Variants in PLCB1 observed in about 807,000 individuals in gnomAD.
PLCB1 encodes phospholipase C beta 1, also known as 1-phosphatidylinositol 4,5-bisphosphate phosphodiesterase beta-1.
PLCB1 carries 46 observed loss-of-function variants against 161.8 expected under a neutral mutation model. That is an observed-to-expected ratio of 0.28 (90% CI 0.22 to 0.36). The LOEUF is 0.36. PLCB1 is among the 10% of genes least tolerant of loss of function. The pLI, the probability that PLCB1 is intolerant of heterozygous loss-of-function variation, is 1.00. For missense variants in PLCB1, 1,016 were observed against 1,472.5 expected (o/e 0.69, Z 5.07); for synonymous variants, 517 against 503.7 (o/e 1.03, Z -0.35).
rs544971088 is a variant in PLCB1, at chr20:8,741,445, A to T, written c.2414-19A>T. 1.9e-6 allele frequency: 3 copies of T among 1,539,488 alleles called. No homozygotes were observed. The highest frequency in any genetic ancestry group is 2.2e-5 in the South Asian group (2 of 89,242). ...ATACTTCCAGGACCTTTGATCTAAA[A>T]TATCTCTTCCCTATTTAGATGTCAT... On this transcript the variant is annotated intron_variant, in intron 22 of 31. Transcript: ENST00000338037.
chr20:8,591,518 T>C (rs1320422443), intron 3 of PLCB1, among the ~76,000 whole-genome samples: 1 of 152,208 alleles, frequency 6.6e-6, no homozygotes, highest in Admixed American at 6.5e-5. Context: ...TGACTTCCTA[T>C]GGTACAATTT....
intron 25 of PLCB1, among the ~76,000 whole-genome samples, chr20:8,762,111 G>A (rs1013368406): frequency 4.6e-5 from 7 of 152,080 alleles, no homozygotes; most frequent in Non-Finnish European, 1.0e-4. Context: ...TCAGGAAGCT[G>A]AGGCAGGAAA....
chr20:8,329,889 A>G (rs1985299446), intron 2 of PLCB1, among the ~76,000 whole-genome samples: 1 of 152,158 alleles, frequency 6.6e-6, no homozygotes. Context: ...ACTCTCCTAC[A>G]CAGTAGAAAT....
At chr20:8,553,981 A>G (rs1985864625) in intron 3 of PLCB1, among the ~76,000 whole-genome samples, 1 of 152,024 alleles carries the variant, frequency 6.6e-6, no homozygotes, top group Non-Finnish European at 1.5e-5. Context: ...CAGCCTGGGC[A>G]ACAGAGCAAG....
At chr20:8,587,354 C>T (rs574976370) in intron 3 of PLCB1, among the ~76,000 whole-genome samples, 2 of 152,194 alleles carry the variant, frequency 1.3e-5, no homozygotes, top group African/African-American at 4.8e-5. Flanking sequence ...ATGCAGCCTG[C>T]CTAGGGACCC....
intron 2 of PLCB1, among the ~76,000 whole-genome samples, chr20:8,344,766 G>A (rs1432237403): frequency 6.6e-6 from 1 of 152,220 alleles, no homozygotes; most frequent in Non-Finnish European, 1.5e-5. Context: ...AAAGGCAATT[G>A]ACTTGAACTC....
At chr20:8,301,670 C>A (rs1407783254) in intron 2 of PLCB1, among the ~76,000 whole-genome samples, 1 of 152,196 alleles carries the variant, frequency 6.6e-6, no homozygotes, top group Non-Finnish European at 1.5e-5. Context: ...TACCCTCCCC[C>A]ACCTTTCCTG....
chr20:8,388,681 AC>A (rs1987502708), intron 3 of PLCB1, among the ~76,000 whole-genome samples: 1 of 152,144 alleles, frequency 6.6e-6, no homozygotes, highest in South Asian at 2.1e-4. Flanking sequence ...TCATTTTGTT[AC>A]TATAAATGTG....
chr20:8,480,448 A>G (rs1982454796), intron 3 of PLCB1, among the ~76,000 whole-genome samples: 2 of 151,972 alleles, frequency 1.3e-5, no homozygotes, highest in South Asian at 4.2e-4. Flanking sequence ...GAAGAGCGTC[A>G]CTGAGAAAGG....
chr20:8,218,848 C>T (rs1328579028), intron 2 of PLCB1, among the ~76,000 whole-genome samples: 1 of 151,964 alleles, frequency 6.6e-6, no homozygotes, highest in Non-Finnish European at 1.5e-5. Flanking sequence ...GATATTTATG[C>T]AGATGCAAAA....
In PLCB1 at chr20:8,708,752, C is replaced by T. The variant is rs559611655; in HGVS notation, c.1250C>T (p.Ser417Phe). ...CTTTCGTTTGAGAACCATGTGGATTCGTAAGTATTCAACACATTCAGGAAT... is the reference window on the plus strand; with the variant it reads ...CTTTCGTTTGAGAACCATGTGGATTTGTAAGTATTCAACACATTCAGGAAT... ...ILLSFENHVD[S>F]PKQQAKMAEY... Residue 417 changes from serine (S) to phenylalanine (F), a missense_variant and splice_region_variant, in exon 12 of 32, where the codon TCC becomes TTC. Transcript: ENST00000338037. 14 of 1,593,368 alleles carry T rather than the reference C, an allele frequency of 8.8e-6. No homozygotes were observed. Among genetic ancestry groups the T allele is most frequent in the Non-Finnish European group, 1.1e-5 (13 of 1,161,362 alleles).
At chr20:8,716,191 C>T (rs549822049) in intron 12 of PLCB1, 73 bp from the exon 13 acceptor site, 270 of 1,116,734 alleles carry the variant, frequency 2.4e-4, no homozygotes, top group Non-Finnish European at 3.5e-4. Flanking sequence ...TAGTTAATAA[C>T]ACAAAGCAAT....
At chr20:8,761,223 G>T (rs1982006684) in intron 25 of PLCB1, among the ~76,000 whole-genome samples, 1 of 152,162 alleles carries the variant, frequency 6.6e-6, no homozygotes, top group Non-Finnish European at 1.5e-5. Flanking sequence ...TATTCTGTAG[G>T]ATTCCATATA....
intron 3 of PLCB1, among the ~76,000 whole-genome samples, chr20:8,509,359 A>G (rs1983776575): frequency 1.3e-5 from 2 of 152,356 alleles, no homozygotes; most frequent in South Asian, 4.1e-4. Flanking sequence ...CAACTGGGAA[A>G]TGAAGTCATA....
In PLCB1 at chr20:8,704,984, C is replaced by CT. The variant is rs368791318; in HGVS notation, c.1168-3673dup. On this transcript the variant is annotated intron_variant, in intron 11 of 31. Transcript: ENST00000338037. The stretch of plus-strand genomic sequence containing the variant: ...CAGAAACAGCAAATTCTCCTTTACT[C>CT]TTTTTTTTTTTTTCCTATTCAGGCT... 6.4e-4 allele frequency among the ~76,000 whole-genome samples: 76 copies of CT among 118,798 alleles called. 2 individuals are homozygous for CT. Among genetic ancestry groups the CT allele is most frequent in the Non-Finnish European group, 9.0e-4 (54 of 60,062 alleles). The allele number at this position is 118,798 out of a possible 152,430, so 77.9% of individuals were successfully genotyped here.
rs577424271 is a variant in PLCB1, at chr20:8,170,198, C to T, written c.177+19827C>T. On this transcript the variant is annotated intron_variant, in intron 2 of 31. Transcript: ENST00000338037. The stretch of plus-strand genomic sequence containing the variant: ...TGGGGAAACCTACCAAAGTAATAAA[C>T]TATTCTATCCATTGTTAGGACAAAT... Among the ~76,000 whole-genome samples the T allele has an allele frequency of 2.6e-5, 4 of 152,274 alleles. No homozygotes were observed. In the East Asian group the frequency reaches 7.7e-4, roughly 29 times the overall value.
At chr20:8,421,797 T>C (rs1979547750) in intron 3 of PLCB1, among the ~76,000 whole-genome samples, 1 of 152,208 alleles carries the variant, frequency 6.6e-6, no homozygotes, top group Non-Finnish European at 1.5e-5. Flanking sequence ...TTATTAGAAA[T>C]GCCAGTTCTC....
At chr20:8,845,425 T>C (rs1424382466) in intron 31 of PLCB1, among the ~76,000 whole-genome samples, 1 of 152,220 alleles carries the variant, frequency 6.6e-6, no homozygotes, top group Non-Finnish European at 1.5e-5. Flanking sequence ...GTAATGCTGT[T>C]CGATACAGTA....
chr20:8,595,312 CATT>C (rs1987302264), intron 3 of PLCB1, among the ~76,000 whole-genome samples: 1 of 144,500 alleles, frequency 6.9e-6, no homozygotes, highest in East Asian at 2.1e-4. Context: ...CATGTGATCT[CATT>C]GTTCAATTCC....
Sources: allele counts gnomAD v4.1 joint callset (sites outside exome capture counted in the v4.1 genomes callset), GRCh38; gene constraint gnomAD v4.1.1; transcripts MANE v1.5; gene names NCBI Gene and HGNC (gene_info 2026-07-23, HGNC 2026-07-21).